The following NTMT1 variants were observed in gnomAD, a reference collection of about 807,000 sequenced individuals.
The protein encoded by NTMT1 is N-terminal Xaa-Pro-Lys N-methyltransferase 1.
A neutral mutation model predicts 17.5 loss-of-function variants in NTMT1; 8 were observed. The observed-to-expected ratio is 0.46, with a 90% CI of 0.27 to 0.82. NTMT1 has a LOEUF of 0.82. Ranked by LOEUF, NTMT1 falls within the 40% of genes least tolerant of loss-of-function variation. NTMT1 has a pLI of 0.15. For synonymous variants in NTMT1, 128 were observed against 126.8 expected (o/e 1.01, Z -0.06); for missense variants, 221 against 303.5 (o/e 0.73, Z 2.02).
chr9:129,620,022 C>G lies in NTMT1; in HGVS notation c.-55+10844C>G, dbSNP rs938595092. 2.1e-6 allele frequency: 3 copies of G among 1,458,260 alleles called. No homozygotes were observed. Among genetic ancestry groups the G allele is most frequent in the Non-Finnish European group, 1.8e-6 (2 of 1,101,400 alleles). 90.3% of individuals were successfully genotyped at this position (1,458,260 alleles called of 1,614,324 possible). On this transcript the variant is annotated intron_variant, in intron 1 of 3. Coordinates refer to the NTMT1 transcript ENST00000372486. The surrounding 1 kb of genome is among the most constrained non-coding windows in gnomAD (Gnocchi z 5.8). ...CGGGGACACAAGGGACCACCCCCCACCGGAAATGACTCGGGCCCGCCCCCC... is the reference window on the plus strand; with the variant it reads ...CGGGGACACAAGGGACCACCCCCCAGCGGAAATGACTCGGGCCCGCCCCCC...
rs1830508631 is a variant in NTMT1, at chr9:129,618,666, T to C, written c.-55+9488T>C. On this transcript the variant is annotated intron_variant, in intron 1 of 3. Coordinates refer to the NTMT1 transcript ENST00000372486. ...GGATGGATGGATAGAAGTGTGGGAGTTTTATTTTTTATTTATTTTATTTTA... is the reference window on the plus strand; with the variant it reads ...GGATGGATGGATAGAAGTGTGGGAGCTTTATTTTTTATTTATTTTATTTTA... Among the ~76,000 whole-genome samples the C allele has an allele frequency of 2.0e-5, 3 of 151,480 alleles. No homozygotes were observed. In the Admixed American group the frequency reaches 2.0e-4, roughly 10 times the overall value.
upstream of NTMT1, among the ~76,000 whole-genome samples, chr9:129,623,730 G>A (rs757368937): frequency 1.3e-5 from 2 of 149,690 alleles, no homozygotes; most frequent in Admixed American, 1.3e-4. Flanking sequence ...TTGAGTGGGG[G>A]AGGGAGATAT....
upstream of NTMT1, among the ~76,000 whole-genome samples, chr9:129,623,160 TG>T (rs1334212388): frequency 8.5e-5 from 13 of 152,074 alleles, no homozygotes; most frequent in East Asian, 9.7e-4. Context: ...GGTGAAACCC[TG>T]TCTCTACTAA....
At chr9:129,633,028 G>T in intron 2 of NTMT1, 163 bp downstream of exon 2, 1 of 732,286 alleles carries the variant, frequency 1.4e-6, no homozygotes, top group Non-Finnish European at 2.2e-6. Flanking sequence ...GGGCACAGTG[G>T]GGTAACTTCT....
At position 129,613,313 on chromosome 9, in the gene NTMT1, G is replaced by C. The variant is rs1048695724; in HGVS notation, c.-55+4135G>C. On this transcript the variant is annotated intron_variant, in intron 1 of 3. Transcript: ENST00000372486. The surrounding 1 kb of genome is among the most constrained non-coding windows in gnomAD (Gnocchi z 6.2). Reference sequence around the variant, plus strand: ...TGAGTCCCCGGCCCACCCATGGCTGGCAGGGCCCTTGAGGACCCACACTGG... The same window carrying C: ...TGAGTCCCCGGCCCACCCATGGCTGCCAGGGCCCTTGAGGACCCACACTGG... 3 of 1,565,626 alleles carry C rather than the reference G, an allele frequency of 1.9e-6. No individual in the cohort carries two copies. The African/African-American group carries it at 4.1e-5, about 21-fold the overall frequency.
chr9:129,631,350 C>T (rs1429070296), intron 1 of NTMT1, among the ~76,000 whole-genome samples: 2 of 152,234 alleles, frequency 1.3e-5, no homozygotes, highest in East Asian at 1.9e-4. Context: ...AGCCCCTAAG[C>T]GTGGTGTGCC....
chr9:129,635,410 G>C lies in NTMT1; in HGVS notation c.618G>C (p.Arg206Ser). 1.9e-6 allele frequency: 3 copies of C among 1,612,536 alleles called. No individual in the cohort carries two copies. The highest frequency in any genetic ancestry group is 2.5e-6 in the Non-Finnish European group (3 of 1,179,700). Residue 206 changes from arginine (R) to serine (S), a missense_variant, in exon 4 of 4, where the codon AGG (arginine) becomes AGC (serine). Arg to Ser is a moderately radical substitution (Grantham distance 110). Coordinates refer to ENST00000372483, the MANE Select transcript of NTMT1 (RefSeq NM_014064.4). ...SAGLSLLAEE[R>S]QENLPDEIYH... is the part of the protein sequence containing the mutation. Reference sequence around the variant, plus strand: ...GCCTCAGCCTCCTGGCCGAGGAGAGGCAGGAGAACCTCCCCGATGAGATCT... The same window carrying C: ...GCCTCAGCCTCCTGGCCGAGGAGAGCCAGGAGAACCTCCCCGATGAGATCT...
At chr9:129,625,706 T>C (rs1830862715), upstream of NTMT1, among the ~76,000 whole-genome samples, 2 of 152,034 alleles carry the variant, frequency 1.3e-5, no homozygotes, top group African/African-American at 4.8e-5. Context: ...TCTCTAATTT[T>C]TTTTTTTTAA....
intron 1 of NTMT1, 116 bp from the exon 2 acceptor site, chr9:129,632,534 C>T: frequency 1.4e-6 from 1 of 711,592 alleles, no homozygotes; most frequent in South Asian, 1.9e-5. Context: ...CTGGACTTCT[C>T]TCTGCACTCA....
chr9:129,631,039 A>C (rs1437311198), intron 1 of NTMT1, among the ~76,000 whole-genome samples: 1 of 152,028 alleles, frequency 6.6e-6, no homozygotes, highest in Non-Finnish European at 1.5e-5. Context: ...CACCTTCCAC[A>C]GTCTTCCCCC....
At position 129,613,443 on chromosome 9, in the gene NTMT1, G is replaced by A. The variant is rs768415449; in HGVS notation, c.-55+4265G>A. Reference sequence around the variant, plus strand: ...CTTCCCTGGAGCCTCACAGGCCAGCGCAGTCCCAACACGAGGAGCTGGCCA... The same window carrying A: ...CTTCCCTGGAGCCTCACAGGCCAGCACAGTCCCAACACGAGGAGCTGGCCA... On this transcript the variant is annotated intron_variant, in intron 1 of 3. Coordinates refer to the NTMT1 transcript ENST00000372486. This position sits in a 1 kb window ranked among gnomAD's most constrained non-coding sequence, Gnocchi z 6.2. The A allele has an allele frequency of 3.1e-6, 5 of 1,613,662 alleles. No homozygotes were observed. Among genetic ancestry groups the A allele is most frequent in the Non-Finnish European group, 4.2e-6 (5 of 1,180,000 alleles).
Position 129,620,479 on chromosome 9 carries a change from C to T in NTMT1, c.-55+11301C>T. The T allele has an allele frequency of 2.9e-6, 4 of 1,379,736 alleles. No homozygotes were observed. Among genetic ancestry groups the T allele is most frequent in the Non-Finnish European group, 2.8e-6 (3 of 1,061,638 alleles). The allele number at this position is 1,379,736 out of a possible 1,614,324, so 85.5% of individuals were successfully genotyped here. On this transcript the variant is annotated intron_variant, in intron 1 of 3. Coordinates refer to the NTMT1 transcript ENST00000372486. This position sits in a 1 kb window ranked among gnomAD's most constrained non-coding sequence, Gnocchi z 5.8. ...GGAGCGCGGGCGGGGTCAGCTTGGG[C>T]AGCCGCGGGTCGCTGCTGCGTCGGA...
At chr9:129,615,533 G>A (rs749918326) in intron 1 of NTMT1, 63 of 1,610,794 alleles carry the variant, frequency 3.9e-5, no homozygotes, top group Non-Finnish European at 4.7e-5. Flanking sequence ...GCAGGGTCTC[G>A]TCAGCGAATC....
intron 1 of NTMT1, among the ~76,000 whole-genome samples, 152 bp from the exon 2 acceptor site, chr9:129,632,497 CA>C (rs1250345995): frequency 6.6e-6 from 1 of 152,302 alleles, no homozygotes; most frequent in East Asian, 1.9e-4. Flanking sequence ...TGCTGTTATC[CA>C]AGGGGTAGAA....
intron 1 of NTMT1, among the ~76,000 whole-genome samples, chr9:129,617,658 T>C (rs1285347928): frequency 1.3e-5 from 2 of 152,082 alleles, no homozygotes; most frequent in Non-Finnish European, 1.5e-5. Flanking sequence ...CGTTCTGAGG[T>C]TGGTAAATGT....
upstream of NTMT1, among the ~76,000 whole-genome samples, chr9:129,624,771 G>A (rs185899987): frequency 2.6e-5 from 4 of 152,252 alleles, no homozygotes; most frequent in Admixed American, 6.5e-5. Context: ...TGGGACTACA[G>A]GCATGCACCA....
At chr9:129,610,096 C>T (rs1406529913) in intron 1 of NTMT1, among the ~76,000 whole-genome samples, 1 of 148,776 alleles carries the variant, frequency 6.7e-6, no homozygotes, top group Non-Finnish European at 1.5e-5. Context: ...TTCCGTCCTC[C>T]ATCTGTGGTC....
At chr9:129,631,596 C>G (rs1831168132) in intron 1 of NTMT1, among the ~76,000 whole-genome samples, 1 of 152,236 alleles carries the variant, frequency 6.6e-6, no homozygotes, top group Non-Finnish European at 1.5e-5. Flanking sequence ...CCGGGCCACT[C>G]TCTGTTGGGC....
rs748540508 is a variant in NTMT1, at chr9:129,613,174, T to C, written c.-55+3996T>C. ...GCTTCGCGGCCTCTGAGCAGCGGCC[T>C]TCTTCCATGAACAGAAGGGCAGGCT... On this transcript the variant is annotated intron_variant, in intron 1 of 3. Transcript: ENST00000372486. The surrounding 1 kb of genome is among the most constrained non-coding windows in gnomAD (Gnocchi z 6.2). The C allele has an allele frequency of 6.2e-7, 1 of 1,613,722 alleles. No homozygotes were observed. The highest frequency in any genetic ancestry group is 1.1e-5 in the South Asian group (1 of 91,076).
Sources: gnomAD v4.1 joint callset for allele counts (sites outside exome capture counted in the v4.1 genomes callset) on GRCh38, gnomAD v4.1.1 for gene constraint, Gnocchi (gnomAD v3.1) non-coding constraint, MANE v1.5 for transcripts, NCBI Gene and HGNC (gene_info 2026-07-23, HGNC 2026-07-21) for gene names.